The following FKBP15 variants were observed in gnomAD, a reference collection of about 807,000 sequenced individuals.
The protein encoded by FKBP15 is FKBP prolyl isomerase family member 15.
FKBP15 carries 106 observed loss-of-function variants against 158.1 expected under a neutral mutation model. The ratio of observed to expected loss-of-function variants is 0.67; its 90% CI spans 0.57 to 0.79. The LOEUF (loss-of-function observed/expected upper bound fraction) is 0.79. FKBP15 is among the 30% of genes least tolerant of loss of function. The probability of loss-of-function intolerance (pLI) is 0.00; values close to 1 mark genes in which losing one functional copy is unlikely to be tolerated. For missense variants in FKBP15, 1,287 were observed against 1,479.1 expected, an observed-to-expected ratio of 0.87 and a Z score of 2.13; for synonymous variants, 547 against 548.6, an observed-to-expected ratio of 1.00 and a Z score of 0.04.
At chr9:113,186,058 T>G (rs1045336752) in intron 15 of FKBP15, among the ~76,000 whole-genome samples, 191 bp downstream of exon 15, 1 of 152,220 alleles carries the variant, frequency 6.6e-6, no homozygotes, top group African/African-American at 2.4e-5. Flanking sequence ...TCTGCAAATT[T>G]ACTAAAACAC....
chr9:113,170,850 C>A (rs952233392), intron 24 of FKBP15, among the ~76,000 whole-genome samples: 14 of 152,132 alleles, frequency 9.2e-5, no homozygotes, highest in Non-Finnish European at 1.8e-4. Flanking sequence ...AGTTACCTAT[C>A]AAGGGCAGGC....
chr9:113,188,014 T>G, intron 13 of FKBP15, 115 bp from the exon 14 acceptor site: 2 of 764,460 alleles, frequency 2.6e-6, no homozygotes, highest in Non-Finnish European at 4.4e-6. Flanking sequence ...TTGCCTAGTC[T>G]CCCTACACTC....
chr9:113,170,514 G>A lies in FKBP15; in HGVS notation c.2766+8C>T. The A allele has an allele frequency of 6.3e-7, 1 of 1,579,082 alleles. No homozygotes were observed. Among genetic ancestry groups the A allele is most frequent in the Non-Finnish European group, 8.7e-7 (1 of 1,148,384 alleles). ...ACGATGAAACAAATGACAGCTGGCTGGCTGTACCTTGATCGTATTCATGAT... is the reference window on the plus strand; with the variant it reads ...ACGATGAAACAAATGACAGCTGGCTAGCTGTACCTTGATCGTATTCATGAT... On this transcript the variant is annotated splice_region_variant and intron_variant, in intron 25 of 27. Transcript: ENST00000238256.
At chr9:113,186,886 T>C (rs1374367827) in intron 14 of FKBP15, 1 of 153,114 alleles carries the variant, frequency 6.5e-6, no homozygotes, top group Admixed American at 6.5e-5. Context: ...TTCATAGGGC[T>C]GTTCTGTGGA....
chr9:113,185,920 C>T (rs1830477807), intron 15 of FKBP15, among the ~76,000 whole-genome samples: 1 of 152,012 alleles, frequency 6.6e-6, no homozygotes, highest in Admixed American at 6.6e-5. Context: ...ACTCTAGCTA[C>T]TCTAACAGAG....
At position 113,198,295 on chromosome 9, in the gene FKBP15, C is replaced by T. The variant is rs535912214; in HGVS notation, c.717+560G>A. 4.6e-5 allele frequency among the ~76,000 whole-genome samples: 7 copies of T among 152,266 alleles called. No individual in the cohort carries two copies. The South Asian group carries it at 1.2e-3, about 27-fold the overall frequency. On this transcript the variant is annotated intron_variant, in intron 8 of 27. Transcript: ENST00000238256. This position sits in a 1 kb window ranked among gnomAD's most constrained non-coding sequence, Gnocchi z 5.2. ...TATAGGAAGGATGAAATAATATTCTCAGAGTCATAGAATGGAAAAGAAAAG... is the reference window on the plus strand; with the variant it reads ...TATAGGAAGGATGAAATAATATTCTTAGAGTCATAGAATGGAAAAGAAAAG...
At chr9:113,182,274 A>G (rs977912282) in intron 19 of FKBP15, among the ~76,000 whole-genome samples, 1 of 152,204 alleles carries the variant, frequency 6.6e-6, no homozygotes, top group Non-Finnish European at 1.5e-5. Context: ...CAAGGGGAGA[A>G]GCGAGCTTCA....
intron 24 of FKBP15, 50 bp from the exon 25 acceptor site, chr9:113,170,679 G>A (rs778841771): frequency 1.0e-5 from 14 of 1,404,928 alleles, no homozygotes; most frequent in African/African-American, 2.8e-5. Flanking sequence ...ACTAAAGGAT[G>A]CATTAAATTC....
At chr9:113,213,790 G>A (rs568333365) in intron 1 of FKBP15, among the ~76,000 whole-genome samples, 56 of 152,112 alleles carry the variant, frequency 3.7e-4, no homozygotes, top group Non-Finnish European at 7.5e-4. Context: ...CTCCATAACT[G>A]TAAAAAATAA....
At chr9:113,216,571 C>T (rs775174508) in intron 1 of FKBP15, among the ~76,000 whole-genome samples, 10 of 152,278 alleles carry the variant, frequency 6.6e-5, no homozygotes, top group African/African-American at 1.2e-4. Flanking sequence ...CAGGAAAATT[C>T]GGGCAAATTG....
chr9:113,193,522 G>C lies in FKBP15; in HGVS notation c.1035C>G (p.Asn345Lys). 2 of 1,599,526 alleles carry C rather than the reference G, an allele frequency of 1.3e-6. No homozygotes were observed. Among genetic ancestry groups the C allele is most frequent in the African/African-American group, 1.3e-5 (1 of 74,870 alleles). ...SGEPALRTKS[N>K]SLSEQLAINT... ...TTATTGCAAGTTGTTCACTGAGGGAGTTAGATTTGGTACGAAGAGCTGGCT... is the reference window on the plus strand; with the variant it reads ...TTATTGCAAGTTGTTCACTGAGGGACTTAGATTTGGTACGAAGAGCTGGCT... The change falls in exon 11 of 28, where the codon AAC becomes AAG. Residue 345 changes from asparagine (N) to lysine (K), a missense_variant. Asn to Lys is a moderately conservative substitution (Grantham distance 94). Coordinates refer to ENST00000238256, the MANE Select transcript of FKBP15 (RefSeq NM_015258.2).
At position 113,184,692 on chromosome 9, in the gene FKBP15, C is replaced by A. The variant is rs1467114169; in HGVS notation, c.1608+3G>T. On this transcript the variant is annotated splice_donor_region_variant and intron_variant, in intron 16 of 27. Transcript: ENST00000238256. The surrounding 1 kb of genome is among the most constrained non-coding windows in gnomAD (Gnocchi z 4.5). ...AACATCACCCCAACTCTGACTCAGT[C>A]ACCTTAGTCATGAGATGATCCATTT... The A allele has an allele frequency of 6.3e-7, 1 of 1,593,820 alleles. No individual in the cohort carries two copies. Among genetic ancestry groups the A allele is most frequent in the East Asian group, 2.2e-5 (1 of 44,494 alleles).
At chr9:113,167,756 A>T (rs1402564240) in intron 27 of FKBP15, among the ~76,000 whole-genome samples, 1 of 152,224 alleles carries the variant, frequency 6.6e-6, no homozygotes, top group African/African-American at 2.4e-5. Flanking sequence ...TGGCCTAGGG[A>T]CAGCCAGAAC....
At position 113,174,381 on chromosome 9, in the gene FKBP15, C is replaced by A. The variant is rs1830266088; in HGVS notation, c.2379+47G>T. On this transcript the variant is annotated intron_variant, in intron 22 of 27. Transcript: ENST00000238256. ...AAACCAGAAGCTTTTCTCTCTGAGT[C>A]CTTCACACCTTCCCTCTATTTTCAA... The A allele has an allele frequency of 3.1e-6, 5 of 1,590,400 alleles. No individual in the cohort carries two copies. In the African/African-American group the frequency reaches 5.4e-5, roughly 17 times the overall value.
chr9:113,196,978 G>A lies in FKBP15; in HGVS notation c.818C>T (p.Thr273Ile). 3 of 1,613,950 alleles carry A rather than the reference G, an allele frequency of 1.9e-6. No individual in the cohort carries two copies. The highest frequency in any genetic ancestry group is 2.7e-5 in the African/African-American group (2 of 75,050). ...AVGSEGVIGW[T>I]QATDSILVFE... ...CACCAGGATCGAGTCCGTTGCTTGA[G>A]TCCAGCCTATTACCCCTTCTGAGCC... The change falls in exon 9 of 28, where the codon ACT (threonine) becomes ATT (isoleucine). Residue 273 changes from threonine to isoleucine, a missense_variant. Transcript: ENST00000238256.
intron 9 of FKBP15, among the ~76,000 whole-genome samples, chr9:113,196,096 C>T (rs982154696): frequency 6.6e-6 from 1 of 151,930 alleles, no homozygotes; most frequent in Non-Finnish European, 1.5e-5. Context: ...GCTTCCTTAA[C>T]AATAGATTTT....
At chr9:113,196,324 A>C (rs1375703565) in intron 9 of FKBP15, among the ~76,000 whole-genome samples, 1 of 151,662 alleles carries the variant, frequency 6.6e-6, no homozygotes, top group African/African-American at 2.4e-5. Context: ...AAGAATATAC[A>C]CTGGGCAGGA....
intron 18 of FKBP15, 89 bp downstream of exon 18, chr9:113,183,662 C>T (rs769815851): frequency 8.7e-6 from 7 of 808,428 alleles, no homozygotes; most frequent in Non-Finnish European, 1.4e-5. Context: ...TACATACGTA[C>T]TGCCCTAAAC....
intron 1 of FKBP15, among the ~76,000 whole-genome samples, chr9:113,219,804 C>T (rs549288997): frequency 2.0e-5 from 3 of 151,996 alleles, no homozygotes; most frequent in Non-Finnish European, 4.4e-5. Flanking sequence ...GTGAAGAATG[C>T]GAATTTAAAG....
Sources: gnomAD v4.1 joint callset for allele counts (sites outside exome capture counted in the v4.1 genomes callset) on GRCh38, gnomAD v4.1.1 for gene constraint, Gnocchi (gnomAD v3.1) non-coding constraint, MANE v1.5 for transcripts, NCBI Gene and HGNC (gene_info 2026-07-23, HGNC 2026-07-21) for gene names.